PPP1R12B: variants seen among roughly 807,000 people sequenced by gnomAD.
The protein encoded by PPP1R12B is myosin phosphatase target subunit 2.
Under a neutral mutation model 126.1 loss-of-function variants are expected in PPP1R12B, and 76 were observed. The observed-to-expected ratio is 0.60, with a 90% CI of 0.50 to 0.73. The LOEUF is 0.73. Among genes scored for constraint, PPP1R12B ranks in the 30% least tolerant of loss-of-function variants. PPP1R12B has a pLI of 0.00. For synonymous variants in PPP1R12B, 356 were observed against 434.7 expected, an observed-to-expected ratio of 0.82 and a Z score of 2.25; for missense variants, 1,052 against 1,205.1, an observed-to-expected ratio of 0.87 and a Z score of 1.88.
At chr1:202,578,996 C>G (rs1348215949) in intron 23 of PPP1R12B, among the ~76,000 whole-genome samples, 1 of 152,196 alleles carries the variant, frequency 6.6e-6, no homozygotes, top group Non-Finnish European at 1.5e-5. Context: ...GTGCCTTGAA[C>G]TAGTTATGGC....
chr1:202,509,044 G>GC (rs1429673778), intron 18 of PPP1R12B, among the ~76,000 whole-genome samples: 1 of 152,238 alleles, frequency 6.6e-6, no homozygotes, highest in African/African-American at 2.4e-5. Flanking sequence ...ATTTACAAAA[G>GC]CAGGCCGGTG....
At chr1:202,379,631 T>TGAATG (rs1661896114) in intron 1 of PPP1R12B, among the ~76,000 whole-genome samples, 1 of 152,246 alleles carries the variant, frequency 6.6e-6, no homozygotes, top group Admixed American at 6.5e-5. Flanking sequence ...GTTGAATAAA[T>TGAATG]GAATGCATGA....
At chr1:202,487,907 C>T (rs1313598604) in intron 13 of PPP1R12B, among the ~76,000 whole-genome samples, 1 of 152,168 alleles carries the variant, frequency 6.6e-6, no homozygotes, top group Admixed American at 6.5e-5. Flanking sequence ...CACACAATAC[C>T]TTTCAAGACT....
At chr1:202,468,875 G>A (rs573200607) in intron 13 of PPP1R12B, among the ~76,000 whole-genome samples, 2 of 152,246 alleles carry the variant, frequency 1.3e-5, no homozygotes, top group African/African-American at 2.4e-5. Flanking sequence ...AAACCAGGAA[G>A]CAGAGGTTGC....
In PPP1R12B at chr1:202,564,925, C is replaced by A. The variant is rs142339385; in HGVS notation, c.2757+378C>A. ...ACTTCACCTCTTGGAGAGAGATAAGCAAGACCCTATTAAACCTAGGGCAGA... is the reference window on the plus strand; with the variant it reads ...ACTTCACCTCTTGGAGAGAGATAAGAAAGACCCTATTAAACCTAGGGCAGA... On this transcript the variant is annotated intron_variant, in intron 21 of 23. Transcript: ENST00000608999. Among the ~76,000 whole-genome samples, 287 of 152,266 alleles carry A rather than the reference C, an allele frequency of 1.9e-3. 1 individual carries two copies. Among genetic ancestry groups the A allele is most frequent in the Middle Eastern group, 0.014 (4 of 294 alleles).
rs751465819 is a variant in PPP1R12B, at chr1:202,569,642, A to G, written c.2862+445A>G. On this transcript the variant is annotated intron_variant, in intron 23 of 23. Transcript: ENST00000608999. The stretch of plus-strand genomic sequence containing the variant: ...CTCCCAACCCATCCCTTTGCTGGCA[A>G]GAACACAGATTGAATCATTCTGCAG... Among the ~76,000 whole-genome samples, 53 of 152,310 alleles carry G rather than the reference A, an allele frequency of 3.5e-4. 1 individual carries two copies. Among genetic ancestry groups the G allele is most frequent in the Non-Finnish European group, 3.2e-4 (22 of 68,030 alleles).
At position 202,530,298 on chromosome 1, in the gene PPP1R12B, T is replaced by A. The variant is rs577128425; in HGVS notation, c.2491-28579T>A. ...TGTGACAATCAGTGTCCCCACATAT[T>A]TTCAAAAGCTCTTGTGGTAAGTGTT... On this transcript the variant is annotated intron_variant, in intron 18 of 23. Transcript: ENST00000608999. 1.4e-4 allele frequency among the ~76,000 whole-genome samples: 21 copies of A among 152,280 alleles called. No homozygotes were observed. In the South Asian group the frequency reaches 3.7e-3, roughly 27 times the overall value.
intron 18 of PPP1R12B, among the ~76,000 whole-genome samples, chr1:202,504,467 A>C (rs941644977): frequency 6.6e-6 from 1 of 152,206 alleles, no homozygotes; most frequent in Non-Finnish European, 1.5e-5. Context: ...ACTGTATATT[A>C]AAATTTGATT....
chr1:202,506,876 A>T (rs1680865410), intron 18 of PPP1R12B, among the ~76,000 whole-genome samples: 1 of 152,238 alleles, frequency 6.6e-6, no homozygotes, highest in Admixed American at 6.5e-5. Context: ...GTAAAAATTC[A>T]TAGGGCTACT....
At chr1:202,462,041 AATACTATGCAGTAGTGGATATTTTTG>A (rs1255797740) in intron 13 of PPP1R12B, among the ~76,000 whole-genome samples, 17 of 152,168 alleles carry the variant, frequency 1.1e-4, no homozygotes, top group African/African-American at 4.1e-4. Context: ...AAGTACACTC[AATACTATGCAGTAGTGGATATTTTTG>A]ATACTAAGGT....
intron 13 of PPP1R12B, among the ~76,000 whole-genome samples, chr1:202,475,000 C>A (rs1676454577): frequency 6.6e-6 from 1 of 152,124 alleles, no homozygotes; most frequent in African/African-American, 2.4e-5. Flanking sequence ...TTTGGATTCA[C>A]CATGGTTTAA....
In PPP1R12B at chr1:202,565,906, A is replaced by C. The variant is rs1350020894; in HGVS notation, c.2757+1359A>C. Reference sequence around the variant, plus strand: ...AACATTATTGAGCCAGGCAAAAAAAAAAAAAAGTCTCATTCACAGTAGACC... The same window carrying C: ...AACATTATTGAGCCAGGCAAAAAAACAAAAAAGTCTCATTCACAGTAGACC... On this transcript the variant is annotated intron_variant, in intron 21 of 23. Transcript: ENST00000608999. The surrounding 1 kb of genome is among the most constrained non-coding windows in gnomAD (Gnocchi z 4.3). Among the ~76,000 whole-genome samples, 2 of 152,230 alleles carry C rather than the reference A, an allele frequency of 1.3e-5. No individual in the cohort carries two copies. Among genetic ancestry groups the C allele is most frequent in the East Asian group, 3.8e-4 (2 of 5,202 alleles).
At chr1:202,547,545 T>G (rs193236874) in intron 18 of PPP1R12B, among the ~76,000 whole-genome samples, 15 of 152,356 alleles carry the variant, frequency 9.8e-5, no homozygotes, top group African/African-American at 3.1e-4. Context: ...ATATAGGAGT[T>G]GTACATAAAA....
chr1:202,513,035 G>A (rs1046258861), intron 18 of PPP1R12B, among the ~76,000 whole-genome samples: 1 of 152,194 alleles, frequency 6.6e-6, no homozygotes, highest in Non-Finnish European at 1.5e-5. Flanking sequence ...GTGCAGTGGT[G>A]CAATCTCATG....
At chr1:202,406,228 G>A (rs886588115) in intron 1 of PPP1R12B, among the ~76,000 whole-genome samples, 1 of 152,240 alleles carries the variant, frequency 6.6e-6, no homozygotes, top group Non-Finnish European at 1.5e-5. Context: ...CTTGGCAGCA[G>A]GGTAGACCAC....
At chr1:202,547,414 A>T (rs916113062) in intron 18 of PPP1R12B, among the ~76,000 whole-genome samples, 12 of 152,202 alleles carry the variant, frequency 7.9e-5, no homozygotes, top group African/African-American at 2.9e-4. Flanking sequence ...TCCAAAATCC[A>T]ACAGCTTTCT....
rs1448102784 is a variant in PPP1R12B, at chr1:202,415,138, G to A, written c.292-1649G>A. ...TCAAAATGCAGCAGAAGTGCTTTAT[G>A]TATACTTTCCATTTTCTCACACAGA... is the stretch of plus-strand genomic sequence containing the variant. On this transcript the variant is annotated intron_variant, in intron 1 of 23. Coordinates refer to ENST00000608999, the MANE Select transcript of PPP1R12B (RefSeq NM_002481.4). 2.0e-5 allele frequency among the ~76,000 whole-genome samples: 3 copies of A among 152,018 alleles called. No individual in the cohort carries two copies. In the East Asian group the frequency reaches 5.8e-4, roughly 29 times the overall value.
At chr1:202,551,817 A>C (rs1686360047) in intron 18 of PPP1R12B, among the ~76,000 whole-genome samples, 1 of 152,178 alleles carries the variant, frequency 6.6e-6, no homozygotes, top group Admixed American at 6.5e-5. Flanking sequence ...GAAAATCAGA[A>C]GGGCCATGTG....
chr1:202,438,900 C>T (rs535037900), intron 10 of PPP1R12B: 30 of 1,487,838 alleles, frequency 2.0e-5, no homozygotes, highest in South Asian at 1.5e-4. Flanking sequence ...ATACATCCAC[C>T]GCACGCGGCC....
Sources: allele counts gnomAD v4.1 joint callset (sites outside exome capture counted in the v4.1 genomes callset), GRCh38; gene constraint gnomAD v4.1.1; non-coding constraint Gnocchi (gnomAD v3.1); transcripts MANE v1.5; gene names NCBI Gene and HGNC (gene_info 2026-07-23, HGNC 2026-07-21).